HPSE2: variants seen among roughly 807,000 people sequenced by gnomAD.
HPSE2 encodes inactive heparanase-2.
A neutral mutation model predicts 60.5 loss-of-function variants in HPSE2; 38 were observed. The ratio of observed to expected loss-of-function variants is 0.63; its 90% confidence interval spans 0.48 to 0.82. HPSE2 has a LOEUF of 0.82. HPSE2 is among the 40% of genes least tolerant of loss of function. HPSE2 has a pLI of 0.00. For missense variants in HPSE2, 713 were observed against 740.4 expected (o/e 0.96, Z 0.43); for synonymous variants, 295 against 293.2 (o/e 1.01, Z -0.06).
At chr10:99,101,685 T>C (rs556461005) in intron 3 of HPSE2, among the ~76,000 whole-genome samples, 1 of 152,324 alleles carries the variant, frequency 6.6e-6, no homozygotes, top group Non-Finnish European at 1.5e-5. Flanking sequence ...ATATACATTC[T>C]TCTCAGCACC....
chr10:98,752,545 AT>A (rs1467031432), intron 3 of HPSE2, among the ~76,000 whole-genome samples: 1 of 152,202 alleles, frequency 6.6e-6, no homozygotes, highest in African/African-American at 2.4e-5. Flanking sequence ...ACTGTAAATA[AT>A]TTGGCTGGGA....
At chr10:98,943,753 C>T (rs1486164204) in intron 3 of HPSE2, among the ~76,000 whole-genome samples, 2 of 152,126 alleles carry the variant, frequency 1.3e-5, no homozygotes, top group East Asian at 3.8e-4. Context: ...TGACCAACAG[C>T]TAGATAGGAA....
rs1372167636 is a variant in HPSE2, at chr10:99,181,169, C to T, written c.449-36770G>A. On this transcript the variant is annotated intron_variant, in intron 2 of 11. Transcript: ENST00000370552. ...ATCCCAGCACTTTGGGAGGCCGAGG[C>T]GGGCGGATCACGAGGTCAGGAGATT... Among the ~76,000 whole-genome samples, 17 of 151,290 alleles carry T rather than the reference C, an allele frequency of 1.1e-4. No homozygotes were observed. The South Asian group carries it at 2.7e-3, about 24-fold the overall frequency.
chr10:98,478,841 T>C (rs1261017344), intron 11 of HPSE2, among the ~76,000 whole-genome samples: 4 of 152,170 alleles, frequency 2.6e-5, no homozygotes, highest in African/African-American at 2.4e-5. Context: ...TTCTGTCCTA[T>C]GGGCTAGAGA....
chr10:98,737,809 C>G lies in HPSE2; in HGVS notation c.784+6074G>C, dbSNP rs1019940833. Among the ~76,000 whole-genome samples the G allele has an allele frequency of 1.1e-4, 16 of 152,086 alleles. No homozygotes were observed. The East Asian group carries it at 1.2e-3, about 11-fold the overall frequency. Reference sequence around the variant, plus strand: ...CTTCCAGGAGAACTACAAACCATTGCTCAAGGAAATAAGAGAGGACACAAA... The same window carrying G: ...CTTCCAGGAGAACTACAAACCATTGGTCAAGGAAATAAGAGAGGACACAAA... On this transcript the variant is annotated intron_variant, in intron 4 of 11. Transcript: ENST00000370552.
chr10:98,508,841 C>A (rs888398882), intron 9 of HPSE2, among the ~76,000 whole-genome samples: 3 of 152,106 alleles, frequency 2.0e-5, no homozygotes, highest in Non-Finnish European at 4.4e-5. Flanking sequence ...CAAGTTAAGG[C>A]AATAGTGGGA....
At position 98,942,601 on chromosome 10, in the gene HPSE2, A is replaced by G. The variant is rs1046924825; in HGVS notation, c.611-198545T>C. ...AAACAACAGGTGCTGGAGAGGATGCAGAGAAATAGGAACACTTTCACACTG... is the reference window on the plus strand; with the variant it reads ...AAACAACAGGTGCTGGAGAGGATGCGGAGAAATAGGAACACTTTCACACTG... On this transcript the variant is annotated intron_variant, in intron 3 of 11. Coordinates refer to ENST00000370552, the MANE Select transcript of HPSE2 (RefSeq NM_021828.5). 2.9e-3 allele frequency among the ~76,000 whole-genome samples: 445 copies of G among 152,240 alleles called. 1 individual carries two copies. The highest frequency in any genetic ancestry group is 5.1e-3 in the Non-Finnish European group (346 of 68,014).
chr10:99,020,270 A>C (rs1270810987), intron 3 of HPSE2, among the ~76,000 whole-genome samples: 2 of 152,184 alleles, frequency 1.3e-5, no homozygotes, highest in Admixed American at 6.5e-5. Flanking sequence ...AATTATTGAA[A>C]TAAATATATA....
intron 3 of HPSE2, among the ~76,000 whole-genome samples, chr10:98,853,297 AG>A (rs1190669320): frequency 3.3e-5 from 5 of 152,130 alleles, no homozygotes; most frequent in African/African-American, 1.2e-4. Context: ...TTTGCCATAA[AG>A]TCAAAGAAGG....
chr10:98,683,523 A>C (rs963041118), intron 6 of HPSE2, among the ~76,000 whole-genome samples: 1 of 152,034 alleles, frequency 6.6e-6, no homozygotes, highest in Non-Finnish European at 1.5e-5. Context: ...AAACAAGAAA[A>C]CAAGCTATAA....
At chr10:98,782,942 T>TC (rs139806722) in intron 3 of HPSE2, among the ~76,000 whole-genome samples, 2 of 4,824 alleles carry the variant, frequency 4.1e-4, no homozygotes, top group African/African-American at 3.7e-3. Flanking sequence ...TTTTTTAATG[T>TC]TTTTTTTTTT....
intron 3 of HPSE2, among the ~76,000 whole-genome samples, chr10:99,077,429 T>C (rs1285041641): frequency 6.6e-6 from 1 of 152,166 alleles, no homozygotes; most frequent in African/African-American, 2.4e-5. Context: ...TTTGTTCATC[T>C]GACTGAATAA....
intron 11 of HPSE2, among the ~76,000 whole-genome samples, chr10:98,468,434 C>CT (rs1940644434): frequency 1.3e-5 from 2 of 152,090 alleles, no homozygotes; most frequent in Non-Finnish European, 2.9e-5. Flanking sequence ...CTTCTATGTG[C>CT]TTTTTGCTCT....
rs774685895 is a variant in HPSE2 at position 99,126,277 on chromosome 10, C to T, written c.610+17961G>A. Among the ~76,000 whole-genome samples, 11 of 152,244 alleles carry T rather than the reference C, an allele frequency of 7.2e-5. No homozygotes were observed. Among genetic ancestry groups the T allele is most frequent in the South Asian group, 2.1e-4 (1 of 4,820 alleles). ...AACCCCATTGGCCTGAGAACCACAA[C>T]CAATCCCCCACAGTGGCCGCAGCAA... On this transcript the variant is annotated intron_variant, in intron 3 of 11. Transcript: ENST00000370552. This position sits in a 1 kb window ranked among gnomAD's most constrained non-coding sequence, Gnocchi z 4.0.
At chr10:98,880,014 T>A (rs145291149) in intron 3 of HPSE2, among the ~76,000 whole-genome samples, 14 of 152,128 alleles carry the variant, frequency 9.2e-5, no homozygotes, top group African/African-American at 3.1e-4. Context: ...TCTATTCTGA[T>A]GTTACTTCAG....
At chr10:98,765,641 C>G (rs982700312) in intron 3 of HPSE2, among the ~76,000 whole-genome samples, 2 of 151,920 alleles carry the variant, frequency 1.3e-5, no homozygotes, top group Non-Finnish European at 2.9e-5. Context: ...AGTTCAAGAC[C>G]AGCCTGGCCA....
chr10:98,507,580 T>C (rs1942243730), intron 9 of HPSE2, among the ~76,000 whole-genome samples: 1 of 152,140 alleles, frequency 6.6e-6, no homozygotes, highest in African/African-American at 2.4e-5. Context: ...CTTAGCTCCA[T>C]GTACCATTTT....
chr10:99,306,608 C>A, the HPSE2 span, among the ~76,000 whole-genome samples: 546 of 152,222 alleles, frequency 3.6e-3, 2 homozygotes, highest in Middle Eastern at 6.8e-3. Context: ...GTGTGTTGAT[C>A]CTGACCTCCA....
chr10:98,873,630 G>A (rs1427705361), intron 3 of HPSE2, among the ~76,000 whole-genome samples: 1 of 152,048 alleles, frequency 6.6e-6, no homozygotes, highest in Non-Finnish European at 1.5e-5. Flanking sequence ...GGGCATTTGG[G>A]TTGGTTCCAT....
Sources: gnomAD v4.1 joint callset for allele counts (sites outside exome capture counted in the v4.1 genomes callset) on GRCh38, gnomAD v4.1.1 for gene constraint, Gnocchi (gnomAD v3.1) non-coding constraint, MANE v1.5 for transcripts, NCBI Gene and HGNC (gene_info 2026-07-23, HGNC 2026-07-21) for gene names.